The following NCKAP5 variants were observed in gnomAD, a reference collection of about 807,000 sequenced individuals.
NCKAP5 encodes the protein NCK associated protein 5, also known as nck-associated protein 5.
NCKAP5 carries 92 observed loss-of-function variants against 167.0 expected under a neutral mutation model. The observed-to-expected ratio is 0.55, with a 90% CI of 0.47 to 0.66. NCKAP5 has a LOEUF of 0.66. Ranked by LOEUF, NCKAP5 falls within the 30% of genes least tolerant of loss-of-function variation. The probability of loss-of-function intolerance (pLI) is 0.00; values close to 1 mark genes in which losing one functional copy is unlikely to be tolerated. For missense variants in NCKAP5, 2,378 were observed against 2,315.0 expected (o/e 1.03, Z -0.56); for synonymous variants, 891 against 877.4 (o/e 1.02, Z -0.27).
chr2:133,507,365 A>T (rs1683104645), intron 3 of NCKAP5, among the ~76,000 whole-genome samples: 1 of 152,244 alleles, frequency 6.6e-6, no homozygotes, highest in Non-Finnish European at 1.5e-5. Context: ...CAGTCAACGA[A>T]TTAATTGCAT....
At chr2:133,438,487 T>C (rs1690636234) in intron 3 of NCKAP5, among the ~76,000 whole-genome samples, 3 of 152,200 alleles carry the variant, frequency 2.0e-5, no homozygotes, top group Admixed American at 1.3e-4. Context: ...TATTTGCACA[T>C]AATGCTAGTT....
chr2:132,756,399 A>T (rs1036128565), intron 16 of NCKAP5, among the ~76,000 whole-genome samples: 1 of 152,186 alleles, frequency 6.6e-6, no homozygotes, highest in African/African-American at 2.4e-5. Context: ...ATTAGAGTGT[A>T]TCTAGAATAA....
intron 11 of NCKAP5, among the ~76,000 whole-genome samples, chr2:132,811,462 G>C (rs1685859186): frequency 6.6e-6 from 1 of 152,088 alleles, no homozygotes; most frequent in Non-Finnish European, 1.5e-5. Flanking sequence ...TAGGAGATGG[G>C]GGTGAGATTC....
At position 133,522,884 on chromosome 2, in the gene NCKAP5, G is replaced by T. The variant is rs191435673; in HGVS notation, c.-61-5297C>A. ...TCTTCCAACATCTCTGGTTATAAAAGAATACATATATTCCTCAGAGCAATG... is the reference window on the plus strand; with the variant it reads ...TCTTCCAACATCTCTGGTTATAAAATAATACATATATTCCTCAGAGCAATG... On this transcript the variant is annotated intron_variant, in intron 2 of 19. Coordinates refer to ENST00000409261, the MANE Select transcript of NCKAP5 (RefSeq NM_207363.3). 3.3e-5 allele frequency among the ~76,000 whole-genome samples: 5 copies of T among 152,284 alleles called. No individual in the cohort carries two copies. In the East Asian group the frequency reaches 9.6e-4, roughly 29 times the overall value.
At chr2:132,958,824 C>T (rs910818604) in intron 8 of NCKAP5, among the ~76,000 whole-genome samples, 31 of 151,940 alleles carry the variant, frequency 2.0e-4, no homozygotes, top group African/African-American at 7.5e-4. Flanking sequence ...CAAGTAAATA[C>T]CTCTCCTACC....
intron 3 of NCKAP5, among the ~76,000 whole-genome samples, chr2:133,437,738 G>A (rs968287301): frequency 1.3e-5 from 2 of 152,140 alleles, no homozygotes; most frequent in Non-Finnish European, 2.9e-5. Flanking sequence ...CTCCTCCACT[G>A]GGAGGACATT....
At chr2:133,489,043 C>G (rs1351762192) in intron 3 of NCKAP5, among the ~76,000 whole-genome samples, 4 of 152,100 alleles carry the variant, frequency 2.6e-5, no homozygotes, top group Admixed American at 6.5e-5. Context: ...GTGCCATGAT[C>G]GTGCCACTGC....
At chr2:133,330,810 T>C (rs752897430) in intron 3 of NCKAP5, among the ~76,000 whole-genome samples, 3 of 152,128 alleles carry the variant, frequency 2.0e-5, no homozygotes, top group Non-Finnish European at 4.4e-5. Context: ...GGAAGGAGGA[T>C]TGCTTCAGCC....
intron 8 of NCKAP5, among the ~76,000 whole-genome samples, chr2:132,935,895 G>C (rs1696806475): frequency 6.6e-6 from 1 of 152,150 alleles, no homozygotes; most frequent in African/African-American, 2.4e-5. Flanking sequence ...TTTAAGTCTG[G>C]GGACATCTGG....
At chr2:133,100,499 C>G (rs1393363353) in intron 6 of NCKAP5, among the ~76,000 whole-genome samples, 1 of 152,144 alleles carries the variant, frequency 6.6e-6, no homozygotes, top group Non-Finnish European at 1.5e-5. Flanking sequence ...GAGCCCCGGA[C>G]TCCAGAGTCC....
At chr2:133,093,943 G>A (rs1397273742) in intron 6 of NCKAP5, among the ~76,000 whole-genome samples, 1 of 152,136 alleles carries the variant, frequency 6.6e-6, no homozygotes, top group Non-Finnish European at 1.5e-5. Context: ...AGTCCTGGAA[G>A]GTCCCTACCA....
chr2:133,527,075 T>C (rs923661216), intron 2 of NCKAP5: 1 of 152,042 alleles, frequency 6.6e-6, no homozygotes. Flanking sequence ...CTTTTTTTTT[T>C]TCTTTGAGCA....
chr2:133,289,141 C>T (rs150899106), intron 4 of NCKAP5, among the ~76,000 whole-genome samples: 205 of 152,208 alleles, frequency 1.3e-3, no homozygotes, highest in African/African-American at 4.7e-3. Context: ...AGAATAGAGC[C>T]TCTGATTGTA....
intron 3 of NCKAP5, among the ~76,000 whole-genome samples, chr2:133,401,832 G>A (rs1218679626): frequency 6.6e-6 from 1 of 152,096 alleles, no homozygotes; most frequent in East Asian, 1.9e-4. Flanking sequence ...ATTGCCCATG[G>A]AGTCAAGTTT....
intron 6 of NCKAP5, among the ~76,000 whole-genome samples, chr2:133,011,644 A>G (rs1204039413): frequency 2.0e-5 from 3 of 152,260 alleles, no homozygotes; most frequent in African/African-American, 7.2e-5. Flanking sequence ...CCCAGACTTC[A>G]ATAGAGAGCC....
At chr2:133,149,746 T>A (rs1271378563) in intron 5 of NCKAP5, among the ~76,000 whole-genome samples, 1 of 152,180 alleles carries the variant, frequency 6.6e-6, no homozygotes, top group Non-Finnish European at 1.5e-5. Context: ...GCCATTCAAT[T>A]CAGAATAAGA....
intron 4 of NCKAP5, among the ~76,000 whole-genome samples, chr2:133,252,326 T>C (rs1360732217): frequency 1.3e-5 from 2 of 152,222 alleles, no homozygotes; most frequent in Admixed American, 6.5e-5. Context: ...CATCTGCTCA[T>C]GTTCGTTTGG....
At chr2:132,676,964 C>A (rs1216063813) in intron 19 of NCKAP5, among the ~76,000 whole-genome samples, 1 of 152,154 alleles carries the variant, frequency 6.6e-6, no homozygotes, top group African/African-American at 2.4e-5. Context: ...TCTCAACTTT[C>A]ATCTTGGAAA....
chr2:132,729,685 AG>A (rs1157044995), intron 17 of NCKAP5, among the ~76,000 whole-genome samples: 1 of 152,164 alleles, frequency 6.6e-6, no homozygotes, highest in African/African-American at 2.4e-5. Flanking sequence ...AATTAAAGAG[AG>A]TTTCCCCACT....
Sources: allele counts gnomAD v4.1 joint callset (sites outside exome capture counted in the v4.1 genomes callset), GRCh38; gene constraint gnomAD v4.1.1; transcripts MANE v1.5; gene names NCBI Gene and HGNC (gene_info 2026-07-23, HGNC 2026-07-21).